USP28: variants seen among roughly 807,000 people sequenced by gnomAD.
USP28 encodes the protein ubiquitin carboxyl-terminal hydrolase 28.
In USP28, 113 loss-of-function variants were observed where a neutral mutation model predicts 145.0. The observed-to-expected ratio is 0.78, with a 90% CI of 0.67 to 0.91. USP28 has a LOEUF of 0.91. Among genes scored for constraint, USP28 ranks in the 40% least tolerant of loss-of-function variants. The pLI is 0.00. For synonymous variants in USP28, 447 were observed against 450.9 expected (o/e 0.99, Z 0.11); for missense variants, 1,201 against 1,289.6 (o/e 0.93, Z 1.05).
At chr11:113,847,582 G>C (rs1946012663) in intron 3 of USP28, among the ~76,000 whole-genome samples, 1 of 152,120 alleles carries the variant, frequency 6.6e-6, no homozygotes, top group Non-Finnish European at 1.5e-5. Context: ...GAGATAACCA[G>C]GGAAATTTCT....
Position 113,852,706 on chromosome 11 carries a change from T to C in USP28, c.136-73A>G. The C allele has an allele frequency of 2.0e-6, 3 of 1,535,726 alleles. No individual in the cohort carries two copies. In the South Asian group the frequency reaches 3.5e-5, roughly 18 times the overall value. Reference sequence around the variant, plus strand: ...TAAAACCAGTTTTGAGTATTAACTTTATTACCCTGGTGACACACTGAGTAC... The same window carrying C: ...TAAAACCAGTTTTGAGTATTAACTTCATTACCCTGGTGACACACTGAGTAC... On this transcript the variant is annotated intron_variant, in intron 2 of 24. Coordinates refer to ENST00000003302, the Ensembl canonical transcript of USP28.
rs771188110 is a variant in USP28 at position 113,815,146 on chromosome 11, G to A, written c.1672+28C>T. On this transcript the variant is annotated intron_variant, in intron 14 of 24. Transcript: ENST00000003302. ...AGTCAAAAAACAGAAAAAGCAAAGA[G>A]TAACTGACAAATTTTAAAAGAGCCA... is the stretch of plus-strand genomic sequence containing the variant. The A allele has an allele frequency of 1.9e-6, 3 of 1,602,910 alleles. No individual in the cohort carries two copies. In the South Asian group the frequency reaches 3.3e-5, roughly 18 times the overall value.
chr11:113,812,858 G>C (rs1481854822), intron 15 of USP28, among the ~76,000 whole-genome samples: 1 of 152,166 alleles, frequency 6.6e-6, no homozygotes, highest in African/African-American at 2.4e-5. Flanking sequence ...AAAATGCTTA[G>C]CATATTTGGG....
intron 13 of USP28, among the ~76,000 whole-genome samples, chr11:113,817,125 C>T (rs1941860799): frequency 6.6e-6 from 1 of 152,176 alleles, no homozygotes; most frequent in Non-Finnish European, 1.5e-5. Flanking sequence ...AAGATTGTTG[C>T]ACATGACTGG....
At chr11:113,868,081 G>A (rs964174193) in intron 1 of USP28, among the ~76,000 whole-genome samples, 1 of 152,146 alleles carries the variant, frequency 6.6e-6, no homozygotes, top group Admixed American at 6.6e-5. Context: ...CCAGACTCCA[G>A]CACACATCAG....
At chr11:113,825,602 G>T (rs1943195670) in intron 11 of USP28, among the ~76,000 whole-genome samples, 1 of 152,098 alleles carries the variant, frequency 6.6e-6, no homozygotes, top group East Asian at 1.9e-4. Flanking sequence ...TCACCAAATG[G>T]TGAATGGCAA....
chr11:113,808,996 AGG>A, intron 17 of USP28, 65 bp downstream of exon 17: 2 of 1,500,990 alleles, frequency 1.3e-6, no homozygotes, highest in Non-Finnish European at 1.8e-6. Context: ...TGAAGGGTAT[AGG>A]GCTGGCTAGG....
At chr11:113,806,959 A>AT (rs2135269935) in intron 18 of USP28, among the ~76,000 whole-genome samples, 1 of 152,344 alleles carries the variant, frequency 6.6e-6, no homozygotes, top group South Asian at 2.1e-4. Flanking sequence ...CTTTGGGTGT[A>AT]TATCTTAAAC....
chr11:113,870,149 C>T (rs766766033), intron 1 of USP28, among the ~76,000 whole-genome samples: 12 of 151,954 alleles, frequency 7.9e-5, no homozygotes, highest in Admixed American at 5.9e-4. Flanking sequence ...GCAACAAGAG[C>T]GAAACTCCGT....
chr11:113,810,303 T>C (rs749694963), intron 16 of USP28, among the ~76,000 whole-genome samples: 9 of 152,318 alleles, frequency 5.9e-5, no homozygotes, highest in Admixed American at 4.6e-4. Flanking sequence ...TGGTCAATAA[T>C]ACCTGGCTTT....
chr11:113,862,540 C>G (rs1351321528), intron 1 of USP28, among the ~76,000 whole-genome samples: 1 of 152,086 alleles, frequency 6.6e-6, no homozygotes, highest in African/African-American at 2.4e-5. Context: ...ACTGGTTCAA[C>G]GTGGGATGAC....
chr11:113,802,889 A>G (rs1429497065), intron 23 of USP28, among the ~76,000 whole-genome samples: 2 of 152,208 alleles, frequency 1.3e-5, no homozygotes, highest in Non-Finnish European at 2.9e-5. Context: ...GCAATGTGAT[A>G]AAATCTATAA....
rs530564560 is a variant in USP28, at chr11:113,855,338, T to C, written c.58-1003A>G. Among the ~76,000 whole-genome samples, 5 of 151,444 alleles carry C rather than the reference T, an allele frequency of 3.3e-5. No individual in the cohort carries two copies. The East Asian group carries it at 7.7e-4, about 23-fold the overall frequency. On this transcript the variant is annotated intron_variant, in intron 1 of 24. Coordinates refer to ENST00000003302, the Ensembl canonical transcript of USP28. ...ACAATACAAAACACCGATTTGCAAG[T>C]ACAGCTCAATCTAAACAACTGGCTG...
At chr11:113,840,553 A>G (rs772056055) in intron 5 of USP28, 45 bp downstream of exon 5, 41 of 1,579,608 alleles carry the variant, frequency 2.6e-5, no homozygotes, top group Middle Eastern at 1.7e-4. Flanking sequence ...AATAAATTAC[A>G]AAGTTATTTC....
chr11:113,803,258 A>G (rs1939370255), exon 23 of USP28: 1 of 1,611,686 alleles, frequency 6.2e-7, no homozygotes. Flanking sequence ...GGCATATACC[A>G]GGTAGGAAAG....
chr11:113,860,626 A>G (rs1162656333), intron 1 of USP28, among the ~76,000 whole-genome samples: 1 of 151,834 alleles, frequency 6.6e-6, no homozygotes, highest in East Asian at 1.9e-4. Flanking sequence ...CCTGGCCAAT[A>G]TGGTGAAACC....
chr11:113,854,317 T>G (rs781377747), exon 2 of USP28: 2 of 1,614,112 alleles, frequency 1.2e-6, no homozygotes, highest in Non-Finnish European at 1.7e-6. Context: ...CTCAGTTGAT[T>G]TAACAGCATT....
chr11:113,863,923 C>T (rs144902766), intron 1 of USP28, among the ~76,000 whole-genome samples: 17,571 of 148,082 alleles, frequency 0.12, 924 homozygotes, highest in Middle Eastern at 0.18. Flanking sequence ...CCAGCCTGGG[C>T]GACACAGCGA....
chr11:113,847,881 T>C (rs1946050289), intron 3 of USP28, among the ~76,000 whole-genome samples: 1 of 152,180 alleles, frequency 6.6e-6, no homozygotes, highest in Non-Finnish European at 1.5e-5. Flanking sequence ...ACCCCTTCAG[T>C]GTGGACCCCT....
Sources: allele counts gnomAD v4.1 joint callset (sites outside exome capture counted in the v4.1 genomes callset), GRCh38; gene constraint gnomAD v4.1.1; transcripts MANE v1.5; gene names NCBI Gene and HGNC (gene_info 2026-07-23, HGNC 2026-07-21).